The following FAM178B variants were observed in gnomAD, a reference collection of about 807,000 sequenced individuals.
FAM178B encodes protein FAM178B.
In FAM178B, 82 loss-of-function variants were observed where a neutral mutation model predicts 91.7. The observed-to-expected ratio is 0.89, with a 90% CI of 0.75 to 1.07. FAM178B has a LOEUF of 1.07. Ranked by LOEUF, FAM178B falls within the 50% of genes least tolerant of loss-of-function variation. The pLI, the probability that FAM178B is intolerant of heterozygous loss-of-function variation, is 0.00. For synonymous variants in FAM178B, 368 were observed against 359.4 expected (o/e 1.02, Z -0.27); for missense variants, 769 against 846.7 (o/e 0.91, Z 1.14).
intron 3 of FAM178B, 94 bp from the exon 4 acceptor site, chr2:96,970,871 T>C: frequency 1.1e-6 from 1 of 920,572 alleles, no homozygotes. Flanking sequence ...TTTATTTATT[T>C]TGTTTGCTTT....
intron 13 of FAM178B, among the ~76,000 whole-genome samples, chr2:96,896,637 C>CT (rs759237451): frequency 1.6e-4 from 25 of 152,178 alleles, no homozygotes; most frequent in Non-Finnish European, 3.1e-4. Context: ...AGAGAAGCAA[C>CT]TGGCCACACA....
chr2:96,982,735 ATTTTTTTTTT>A (rs58540459), intron 1 of FAM178B, among the ~76,000 whole-genome samples: 4 of 52,238 alleles, frequency 7.7e-5, no homozygotes, highest in Admixed American at 2.6e-4. Context: ...TGCCCAGCTA[ATTTTTTTTTT>A]TTTTTTTTTT....
At chr2:96,903,154 C>T (rs2080967108) in intron 12 of FAM178B, among the ~76,000 whole-genome samples, 1 of 152,234 alleles carries the variant, frequency 6.6e-6, no homozygotes, top group African/African-American at 2.4e-5. Flanking sequence ...ATTCTCCTGC[C>T]TCAGCCTCCT....
At position 96,972,587 on chromosome 2, in the gene FAM178B, C is replaced by T. The variant is rs1559105496; in HGVS notation, c.93G>A (p.Leu31=). ...CCGTCTCCTGGGGCCCAGCCATCTG[C>T]AAGCCGTGGGACATCTGTCCTGGAA... The part of the protein sequence containing the change: ...LHFTGQMSHG[L]QMAGPQETVL... Residue 31 remains leucine (L), a synonymous_variant, in exon 2 of 17, where the codon TTG becomes TTA. Transcript: ENST00000490605. The T allele has an allele frequency of 6.4e-7, 1 of 1,551,508 alleles. No individual in the cohort carries two copies. Among genetic ancestry groups the T allele is most frequent in the Admixed American group, 2.0e-5 (1 of 50,990 alleles).
At chr2:96,923,289 C>T (rs1296931877) in intron 10 of FAM178B, among the ~76,000 whole-genome samples, 2 of 152,198 alleles carry the variant, frequency 1.3e-5, no homozygotes, top group Non-Finnish European at 1.5e-5. Flanking sequence ...CTTTCTTGTA[C>T]AAGAACTCTC....
At chr2:96,944,547 C>T (rs562167436) in intron 8 of FAM178B, among the ~76,000 whole-genome samples, 3 of 152,262 alleles carry the variant, frequency 2.0e-5, no homozygotes, top group East Asian at 1.9e-4. Flanking sequence ...GTGGCAGCTA[C>T]GGCAGCCATT....
intron 14 of FAM178B, among the ~76,000 whole-genome samples, chr2:96,887,374 G>A (rs921337832): frequency 1.6e-4 from 25 of 152,208 alleles, no homozygotes; most frequent in African/African-American, 6.0e-4. Flanking sequence ...TAGACAGGGT[G>A]AGGCATTTCA....
intron 12 of FAM178B, among the ~76,000 whole-genome samples, chr2:96,904,840 C>T (rs1410283676): frequency 1.3e-5 from 2 of 151,880 alleles, no homozygotes; most frequent in Non-Finnish European, 2.9e-5. Flanking sequence ...CAGCAAGACC[C>T]CAACTCTTTT....
intron 8 of FAM178B, among the ~76,000 whole-genome samples, chr2:96,931,563 TCAAGACTGGAGG>T (rs1242106947): frequency 1.3e-5 from 2 of 152,010 alleles, no homozygotes; most frequent in Non-Finnish European, 2.9e-5. Context: ...GCATGGCATG[TCAAGACTGGAGG>T]CAGAACAGGC....
At chr2:96,905,712 G>C (rs561403047) in intron 12 of FAM178B, among the ~76,000 whole-genome samples, 1 of 148,554 alleles carries the variant, frequency 6.7e-6, no homozygotes, top group South Asian at 2.1e-4. Context: ...CGAGGTGGGC[G>C]GATCACCTGA....
chr2:96,921,496 G>A lies in FAM178B; in HGVS notation c.1446C>T (p.Ile482=). 1 of 1,551,672 alleles carries A rather than the reference G, an allele frequency of 6.4e-7. No homozygotes were observed. Among genetic ancestry groups the A allele is most frequent in the South Asian group, 1.2e-5 (1 of 84,058 alleles). Residue 482 remains isoleucine, a synonymous_variant, in exon 11 of 17, where the codon ATC becomes ATT. Transcript: ENST00000490605. ...CTAGTACCTTCCCTGGCCACTCCCG[G>A]ATGTTCTCCAGGAGCAAGAGGAGAA... ...QQLLLLLLEN[I]REWPGKLQEL...
chr2:96,899,985 C>T (rs1411449905), intron 13 of FAM178B, among the ~76,000 whole-genome samples: 1 of 151,510 alleles, frequency 6.6e-6, no homozygotes, highest in African/African-American at 2.4e-5. Context: ...CTCCATGACA[C>T]TTCCCCTCTG....
intron 9 of FAM178B, among the ~76,000 whole-genome samples, chr2:96,924,929 G>A (rs750406617): frequency 6.6e-6 from 1 of 152,096 alleles, no homozygotes; most frequent in Non-Finnish European, 1.5e-5. Context: ...GGGGAAGGAG[G>A]AGAGATCTGT....
intron 7 of FAM178B, among the ~76,000 whole-genome samples, chr2:96,949,758 T>C (rs1029902003): frequency 7.9e-5 from 12 of 152,216 alleles, no homozygotes; most frequent in Non-Finnish European, 1.6e-4. Flanking sequence ...TCCTGCAGAA[T>C]GTGAACTGGA....
intron 8 of FAM178B, among the ~76,000 whole-genome samples, chr2:96,943,834 C>T (rs1027581929): frequency 6.6e-5 from 10 of 152,106 alleles, no homozygotes; most frequent in African/African-American, 1.7e-4. Context: ...CCTGATACTC[C>T]GCCCAAAGGC....
intron 14 of FAM178B, among the ~76,000 whole-genome samples, chr2:96,878,917 C>T (rs996797359): frequency 6.6e-6 from 1 of 152,116 alleles, no homozygotes; most frequent in African/African-American, 2.4e-5. Flanking sequence ...TGGACAGTCG[C>T]CTTGCTGACC....
chr2:96,935,512 C>A (rs2081609698), intron 8 of FAM178B, among the ~76,000 whole-genome samples: 1 of 152,144 alleles, frequency 6.6e-6, no homozygotes, highest in Non-Finnish European at 1.5e-5. Flanking sequence ...GTAGCAGTAG[C>A]AAACTACCCT....
intron 12 of FAM178B, among the ~76,000 whole-genome samples, chr2:96,903,565 T>C (rs1412107416): frequency 6.6e-6 from 1 of 152,216 alleles, no homozygotes; most frequent in Admixed American, 6.5e-5. Context: ...GGCTGAACTA[T>C]CAGCAAAGTG....
chr2:96,954,919 T>C (rs1378854027), intron 6 of FAM178B, among the ~76,000 whole-genome samples: 3 of 152,098 alleles, frequency 2.0e-5, no homozygotes, highest in African/African-American at 7.2e-5. Flanking sequence ...AGCATGGTAG[T>C]GCACACCTGT....
Sources: gnomAD v4.1 joint callset for allele counts (sites outside exome capture counted in the v4.1 genomes callset) on GRCh38, gnomAD v4.1.1 for gene constraint, MANE v1.5 for transcripts, NCBI Gene and HGNC (gene_info 2026-07-23, HGNC 2026-07-21) for gene names.